FAM135B: variants seen among roughly 807,000 people sequenced by gnomAD.
FAM135B encodes family with sequence similarity 135 member B, also known as protein FAM135B.
FAM135B carries 43 observed loss-of-function variants against 127.7 expected under a neutral mutation model. The ratio of observed to expected loss-of-function variants is 0.34; its 90% CI spans 0.26 to 0.43. The LOEUF is 0.43. FAM135B is among the 20% of genes least tolerant of loss of function. FAM135B has a pLI of 1.00. For missense variants in FAM135B, 1,558 were observed against 1,725.6 expected (o/e 0.90, Z 1.72); for synonymous variants, 670 against 665.1 (o/e 1.01, Z -0.11).
intron 2 of FAM135B, among the ~76,000 whole-genome samples, chr8:138,318,561 G>A (rs1166739012): frequency 6.6e-6 from 1 of 152,170 alleles, no homozygotes; most frequent in Non-Finnish European, 1.5e-5. Flanking sequence ...TTGAGCCATT[G>A]GAAAGATCTA....
At chr8:138,314,160 G>C (rs1260575192) in intron 2 of FAM135B, among the ~76,000 whole-genome samples, 2 of 152,118 alleles carry the variant, frequency 1.3e-5, no homozygotes, top group Non-Finnish European at 2.9e-5. Flanking sequence ...TGCTGACTGA[G>C]ATCAATGGTA....
chr8:138,167,663 A>T (rs909859134), intron 12 of FAM135B, among the ~76,000 whole-genome samples: 5 of 151,878 alleles, frequency 3.3e-5, no homozygotes, highest in Non-Finnish European at 7.4e-5. Context: ...GTATAATTCC[A>T]CTCCAGAAGG....
chr8:138,348,127 CTT>C (rs58289442), intron 2 of FAM135B, among the ~76,000 whole-genome samples: 179 of 52,848 alleles, frequency 3.4e-3, no homozygotes, highest in African/African-American at 0.012. Context: ...TTTTCCTCCT[CTT>C]TTTTTTTTTT....
At position 138,285,534 on chromosome 8, in the gene FAM135B, G is replaced by A. The variant is rs528091567; in HGVS notation, c.158-19692C>T. Among the ~76,000 whole-genome samples, 212 of 152,174 alleles carry A rather than the reference G, an allele frequency of 1.4e-3. 1 individual carries two copies. The highest frequency in any genetic ancestry group is 4.5e-3 in the African/African-American group (186 of 41,516). ...TTTCTCTACAGATTGTTATGAGGAC[G>A]TATACAATAATATCAACAAAAAATC... On this transcript the variant is annotated intron_variant, in intron 3 of 19. Coordinates refer to ENST00000395297, the MANE Select transcript of FAM135B (RefSeq NM_015912.4).
chr8:138,207,113 A>T (rs1817751249), intron 7 of FAM135B, among the ~76,000 whole-genome samples: 1 of 152,068 alleles, frequency 6.6e-6, no homozygotes, highest in Non-Finnish European at 1.5e-5. Context: ...TTGTTGTATT[A>T]CTGTGTCCCT....
At chr8:138,486,562 T>C (rs1814992230) in intron 1 of FAM135B, among the ~76,000 whole-genome samples, 1 of 152,122 alleles carries the variant, frequency 6.6e-6, no homozygotes, top group Non-Finnish European at 1.5e-5. Context: ...CAGAAATACT[T>C]GGGAGGATAC....
chr8:138,430,005 G>A lies in FAM135B; in HGVS notation c.-19-62003C>T, dbSNP rs184027767. Among the ~76,000 whole-genome samples, 665 of 152,232 alleles carry A rather than the reference G, an allele frequency of 4.4e-3. 2 individuals carry two copies. The highest frequency in any genetic ancestry group is 5.5e-3 in the Non-Finnish European group (373 of 68,004). ...TATGCAAAACTCTTTCTACTATGCC[G>A]AGTTTCTTTAATAGCATGCCAGAAG... On this transcript the variant is annotated intron_variant, in intron 1 of 19. Transcript: ENST00000395297.
rs959082636 is a variant in FAM135B at position 138,130,175 on chromosome 8, T to C, written c.*2418A>G. 1 of 150,550 alleles carries C rather than the reference T, an allele frequency of 6.6e-6. No individual in the cohort carries two copies. The highest frequency in any genetic ancestry group is 1.5e-5 in the Non-Finnish European group (1 of 67,736). The allele number at this position is 150,550 out of a possible 1,614,324, so 9.3% of individuals were successfully genotyped here. A position where few individuals can be genotyped will look rare whatever the true frequency, so the allele number is the denominator to read the frequency against. On this transcript the variant is annotated 3_prime_UTR_variant, in exon 20 of 20. Coordinates refer to ENST00000395297, the MANE Select transcript of FAM135B (RefSeq NM_015912.4). ...ATAATTTTTACAATCAATAATAGAA[T>C]GTCCCTGTTTTACATAATATATATT...
intron 2 of FAM135B, among the ~76,000 whole-genome samples, chr8:138,345,112 G>T (rs900514025): frequency 6.6e-6 from 1 of 152,056 alleles, no homozygotes. Flanking sequence ...GAGGATGAGG[G>T]TCAGAATAGT....
At chr8:138,429,447 C>T (rs750937910) in intron 1 of FAM135B, among the ~76,000 whole-genome samples, 3 of 152,116 alleles carry the variant, frequency 2.0e-5, no homozygotes, top group Non-Finnish European at 2.9e-5. Context: ...ATCCAAGCCC[C>T]ATGTGACGAA....
intron 2 of FAM135B, among the ~76,000 whole-genome samples, chr8:138,352,527 A>G (rs1004488994): frequency 6.6e-6 from 1 of 152,162 alleles, no homozygotes; most frequent in Non-Finnish European, 1.5e-5. Context: ...TCCTCCTGGG[A>G]GCCAGGCATC....
chr8:138,418,286 A>AATTT (rs1834280332), intron 1 of FAM135B, among the ~76,000 whole-genome samples: 2 of 152,184 alleles, frequency 1.3e-5, no homozygotes, highest in African/African-American at 4.8e-5. Context: ...ACCTTGGGAA[A>AATTT]ATGAGGGATT....
At chr8:138,399,479 T>C (rs957414200) in intron 1 of FAM135B, among the ~76,000 whole-genome samples, 1 of 152,114 alleles carries the variant, frequency 6.6e-6, no homozygotes, top group Non-Finnish European at 1.5e-5. Flanking sequence ...AAGCGAGGCA[T>C]TTTTTAGGAT....
rs201122505 is a variant in FAM135B, at chr8:138,152,118, G to T, written c.2357C>A (p.Ala786Glu). 25 of 1,613,674 alleles carry T rather than the reference G, an allele frequency of 1.5e-5. No individual in the cohort carries two copies. The highest frequency in any genetic ancestry group is 2.1e-5 in the Non-Finnish European group (25 of 1,180,022). The stretch of plus-strand genomic sequence containing the variant: ...ACCTCCATCTTGCTGCTTGGTGTCC[G>T]CATCTTCAGCAGCCTCCTCTGGGCT... ...ISSPEEAAED[A>E]DTKQQDGGFA... Residue 786 changes from alanine (A) to glutamate (E), a missense_variant, in exon 13 of 20, where the codon GCG becomes GAG. Coordinates refer to ENST00000395297, the MANE Select transcript of FAM135B (RefSeq NM_015912.4).
intron 4 of FAM135B, among the ~76,000 whole-genome samples, chr8:138,258,802 A>AT (rs1321414574): frequency 1.2e-4 from 3 of 25,198 alleles, no homozygotes; most frequent in East Asian, 2.6e-3. Context: ...AGACACACAC[A>AT]CCACACACAC....
chr8:138,239,298 C>T (rs1160210494), intron 7 of FAM135B, among the ~76,000 whole-genome samples: 1 of 152,172 alleles, frequency 6.6e-6, no homozygotes, highest in Non-Finnish European at 1.5e-5. Flanking sequence ...ATTTGCATTT[C>T]TCTGATGGCC....
At chr8:138,310,387 C>T (rs531130841) in intron 3 of FAM135B, among the ~76,000 whole-genome samples, 16 of 152,262 alleles carry the variant, frequency 1.1e-4, no homozygotes, top group Admixed American at 6.5e-4. Flanking sequence ...CTGAGTTGTC[C>T]TTGGCAATCC....
chr8:138,352,822 T>G (rs1205629111), intron 2 of FAM135B, among the ~76,000 whole-genome samples: 1 of 152,170 alleles, frequency 6.6e-6, no homozygotes, highest in Non-Finnish European at 1.5e-5. Context: ...GTAGTGAGAC[T>G]TAAGTTTTAT....
intron 9 of FAM135B, among the ~76,000 whole-genome samples, chr8:138,186,418 C>T (rs1298163653): frequency 3.3e-5 from 5 of 152,136 alleles, no homozygotes; most frequent in African/African-American, 4.8e-5. Context: ...TGCTTTAAAT[C>T]GCCCAAAACA....
Sources: gnomAD v4.1 joint callset for allele counts (sites outside exome capture counted in the v4.1 genomes callset) on GRCh38, gnomAD v4.1.1 for gene constraint, MANE v1.5 for transcripts, NCBI Gene and HGNC (gene_info 2026-07-23, HGNC 2026-07-21) for gene names.